Variants in MED24 observed in about 807,000 individuals in gnomAD.
MED24 encodes the protein mediator of RNA polymerase II transcription subunit 24.
Under a neutral mutation model 118.8 loss-of-function variants are expected in MED24, and 74 were observed. The observed-to-expected ratio is 0.62, with a 90% CI of 0.52 to 0.76. MED24 has a LOEUF of 0.76. MED24 is among the 30% of genes least tolerant of loss of function. The pLI is 0.00. For synonymous variants in MED24, 521 were observed against 523.9 expected, an observed-to-expected ratio of 0.99 and a Z score of 0.08; for missense variants, 1,041 against 1,278.9, an observed-to-expected ratio of 0.81 and a Z score of 2.84.
In MED24 at chr17:40,051,983, G is replaced by A. The variant is rs117813041; in HGVS notation, c.213+1315C>T. On this transcript the variant is annotated intron_variant, in intron 3 of 25. Transcript: ENST00000394128. Reference sequence around the variant, plus strand: ...TGATTTTTCCCAACTGTAAGCTAGTGTGTTCTGAGCACATTTACGGTAGGT... The same window carrying A: ...TGATTTTTCCCAACTGTAAGCTAGTATGTTCTGAGCACATTTACGGTAGGT... Among the ~76,000 whole-genome samples the A allele has an allele frequency of 3.6e-3, 544 of 151,864 alleles. 12 individuals are homozygous for A. The highest frequency in any genetic ancestry group is 0.031 in the Admixed American group (476 of 15,248).
At chr17:40,042,553 A>G (rs1181643609) in intron 3 of MED24, among the ~76,000 whole-genome samples, 2 of 152,058 alleles carry the variant, frequency 1.3e-5, no homozygotes, top group Non-Finnish European at 2.9e-5. Flanking sequence ...GGCATCTATA[A>G]TCCCAGCTAC....
chr17:40,043,566 T>TG (rs1984782692), intron 3 of MED24, among the ~76,000 whole-genome samples: 1 of 152,100 alleles, frequency 6.6e-6, no homozygotes, highest in African/African-American at 2.4e-5. Context: ...TACTGGACTT[T>TG]TGTCTTCCTT....
chr17:40,043,029 G>C (rs762344101), intron 3 of MED24, among the ~76,000 whole-genome samples: 5 of 152,182 alleles, frequency 3.3e-5, no homozygotes, highest in Non-Finnish European at 7.3e-5. Flanking sequence ...TCAGCTCACC[G>C]CAAGTGCGCC....
chr17:40,048,219 C>T (rs1284321219), intron 3 of MED24, among the ~76,000 whole-genome samples: 1 of 152,204 alleles, frequency 6.6e-6, no homozygotes, highest in Non-Finnish European at 1.5e-5. Context: ...CACTCTCCTC[C>T]TTAAAGTGCC....
intron 1 of MED24, chr17:40,053,892 A>G (rs540945950): frequency 3.4e-6 from 2 of 586,810 alleles, no homozygotes; most frequent in East Asian, 5.7e-5. Context: ...GCACTTCGGG[A>G]GGCAGAGGCG....
At chr17:40,028,606 C>T (rs1282779776) in intron 14 of MED24, among the ~76,000 whole-genome samples, 1 of 152,216 alleles carries the variant, frequency 6.6e-6, no homozygotes, top group Non-Finnish European at 1.5e-5. Context: ...ACCCTCATCT[C>T]TTTACCAAAC....
chr17:40,035,602 G>C, intron 5 of MED24, 120 bp downstream of exon 5: 1 of 1,079,648 alleles, frequency 9.3e-7, no homozygotes, highest in Non-Finnish European at 1.3e-6. Context: ...TAGATGGGCA[G>C]GTGGGGAGAA....
At position 40,033,295 on chromosome 17, in the gene MED24, A is replaced by G; in HGVS notation, c.671+50T>C. On this transcript the variant is annotated intron_variant, in intron 7 of 25. Coordinates refer to ENST00000394128, the MANE Select transcript of MED24 (RefSeq NM_014815.4). This position sits in a 1 kb window ranked among gnomAD's most constrained non-coding sequence, Gnocchi z 5.2. ...CACGGGTGCCACATCTTCCTACCCC[A>G]GGGCGTGTCCTCCCTCTCCCTTCTC... The G allele has an allele frequency of 1.2e-6, 2 of 1,611,994 alleles. No homozygotes were observed. Among genetic ancestry groups the G allele is most frequent in the Non-Finnish European group, 1.7e-6 (2 of 1,179,262 alleles).
intron 10 of MED24, among the ~76,000 whole-genome samples, 162 bp from the exon 11 acceptor site, chr17:40,031,782 A>T (rs112628878): frequency 0.013 from 1,985 of 152,286 alleles, 38 homozygotes; most frequent in Middle Eastern, 0.065. Context: ...AAGCACACAC[A>T]CTGGCTGAAG....
In MED24 at chr17:40,019,537, C is replaced by A. The variant is rs1279968084; in HGVS notation, c.2962G>T (p.Ala988Ser). The change falls in exon 26 of 26, where the codon GCA (alanine) becomes TCA (serine). Residue 988 changes from alanine (A) to serine (S), a missense_variant. Around this residue, in one of 3 missense-constraint regions of MED24, gnomAD observed 587 missense variants for 694.4 expected, o/e 0.85. Transcript: ENST00000394128. ...CGGCCATGCCAAGCCCCTCAGAGTG[C>A]AGCAATGGCTTTAGCAGCCACCTGG... is the stretch of plus-strand genomic sequence containing the variant. ...GRQVAAKAIA[A>S]L is the part of the protein sequence containing the mutation. The A allele has an allele frequency of 6.2e-7, 1 of 1,611,764 alleles. No homozygotes were observed. Among genetic ancestry groups the A allele is most frequent in the African/African-American group, 1.3e-5 (1 of 74,906 alleles).
At chr17:40,038,127 T>C (rs1984158338) in intron 3 of MED24, among the ~76,000 whole-genome samples, 1 of 146,126 alleles carries the variant, frequency 6.8e-6, no homozygotes, top group Admixed American at 6.9e-5. Context: ...GTACCCAGTA[T>C]TTCCAAAATA....
chr17:40,022,088 T>C, intron 22 of MED24, 34 bp from the exon 23 acceptor site: 1 of 1,472,042 alleles, frequency 6.8e-7, no homozygotes, highest in Non-Finnish European at 9.3e-7. Context: ...TATACACCCC[T>C]AAACCCCCCA....
intron 23 of MED24, among the ~76,000 whole-genome samples, chr17:40,021,579 G>A (rs1354947701): frequency 6.6e-6 from 1 of 152,260 alleles, no homozygotes; most frequent in East Asian, 1.9e-4. Flanking sequence ...CATGTTTTGG[G>A]GGAAGGAAGG....
rs118066505 is a variant in MED24, at chr17:40,036,131, G to A, written c.237C>T (p.Leu79=). 7.3e-5 allele frequency: 117 copies of A among 1,612,400 alleles called. 1 individual carries two copies. In the East Asian group the frequency reaches 2.4e-3, roughly 33 times the overall value. ...ATGGTCATACCTTACTGATGGCTGT[G>A]AGGACAGAAGAGTAGGACACCATCT... ...SSQMVSYSSV[L]TAISKFDDFS... Residue 79 remains leucine, a synonymous_variant, in exon 4 of 26, where the codon CTC becomes CTT. Transcript: ENST00000394128.
chr17:40,033,006 C>G lies in MED24; in HGVS notation c.822+50G>C. 2 of 1,607,660 alleles carry G rather than the reference C, an allele frequency of 1.2e-6. No homozygotes were observed. The highest frequency in any genetic ancestry group is 8.5e-7 in the Non-Finnish European group (1 of 1,177,338). ...CCAGAAGAATCCTCCCTCCTGCCCC[C>G]AACAGGCTGGCCTGCCTTGGAGAAG... On this transcript the variant is annotated intron_variant, in intron 8 of 25. Coordinates refer to ENST00000394128, the MANE Select transcript of MED24 (RefSeq NM_014815.4). This position sits in a 1 kb window ranked among gnomAD's most constrained non-coding sequence, Gnocchi z 5.2.
At chr17:40,054,079 G>A (rs548377688) in intron 1 of MED24, 5 of 220,680 alleles carry the variant, frequency 2.3e-5, no homozygotes, top group East Asian at 1.1e-4. Context: ...GTTGGGGTGA[G>A]CCGAGATCGC....
At chr17:40,026,446 C>T in intron 18 of MED24, 115 bp from the exon 19 acceptor site, 1 of 1,329,924 alleles carries the variant, frequency 7.5e-7, no homozygotes, top group Non-Finnish European at 1.0e-6. Context: ...GGGCCACATT[C>T]CACACCTCTC....
chr17:40,031,513 C>T (rs746709832), intron 11 of MED24, 25 bp downstream of exon 11: 20 of 1,604,372 alleles, frequency 1.2e-5, no homozygotes, highest in South Asian at 1.2e-4. Flanking sequence ...TCCAGTAGGG[C>T]GGGGGTGACC....
At chr17:40,038,604 A>G (rs991333139) in intron 3 of MED24, among the ~76,000 whole-genome samples, 5 of 151,466 alleles carry the variant, frequency 3.3e-5, no homozygotes, top group African/African-American at 1.2e-4. Flanking sequence ...CCAGCTACTC[A>G]GGAGGCTGAG....
Sources: allele counts gnomAD v4.1 joint callset (sites outside exome capture counted in the v4.1 genomes callset), GRCh38; gene constraint gnomAD v4.1.1; regional missense constraint gnomAD v4.1.1; non-coding constraint Gnocchi (gnomAD v3.1); transcripts MANE v1.5; gene names NCBI Gene and HGNC (gene_info 2026-07-23, HGNC 2026-07-21).